The following CYFIP2 variants were observed in gnomAD, a reference collection of about 807,000 sequenced individuals.
CYFIP2 encodes cytoplasmic FMR1 interacting protein 2.
CYFIP2 carries 29 observed loss-of-function variants against 158.7 expected under a neutral mutation model. The ratio of observed to expected loss-of-function variants is 0.18; its 90% CI spans 0.14 to 0.25. The LOEUF is 0.25. Among genes scored for constraint, CYFIP2 ranks in the 10% least tolerant of loss-of-function variants. The pLI is 1.00. For synonymous variants in CYFIP2, 585 were observed against 617.6 expected (o/e 0.95, Z 0.78); for missense variants, 852 against 1,639.5 (o/e 0.52, Z 8.29).
intron 26 of CYFIP2, chr5:157,363,254 GCC>G (rs1764009620): frequency 6.6e-6 from 1 of 152,230 alleles, no homozygotes; most frequent in Non-Finnish European, 1.5e-5. Context: ...ACTCTGGGAT[GCC>G]TCATTCTCAG....
intron 23 of CYFIP2, among the ~76,000 whole-genome samples, chr5:157,352,846 A>G (rs1763158485): frequency 6.6e-6 from 1 of 152,124 alleles, no homozygotes; most frequent in Admixed American, 6.5e-5. Flanking sequence ...CCTACATGCT[A>G]TCGTAAGTGT....
intron 1 of CYFIP2, chr5:157,269,596 A>G (rs1755909519): frequency 1.3e-5 from 2 of 152,184 alleles, no homozygotes; most frequent in South Asian, 4.1e-4. Context: ...AATGTCTGTA[A>G]ATCCCAGTCT....
At chr5:157,326,795 G>T (rs1306523129) in intron 18 of CYFIP2, among the ~76,000 whole-genome samples, 1 of 152,182 alleles carries the variant, frequency 6.6e-6, no homozygotes, top group Non-Finnish European at 1.5e-5. Flanking sequence ...GACCCTTGAA[G>T]CTCAAAGTGC....
intron 5 of CYFIP2, among the ~76,000 whole-genome samples, chr5:157,299,444 T>A (rs1464394454): frequency 6.6e-6 from 1 of 152,206 alleles, no homozygotes; most frequent in African/African-American, 2.4e-5. Context: ...TTCAGCTTCT[T>A]TTCCTGCAAG....
intron 23 of CYFIP2, among the ~76,000 whole-genome samples, chr5:157,345,042 C>G (rs544114608): frequency 3.0e-4 from 45 of 152,290 alleles, no homozygotes; most frequent in African/African-American, 9.9e-4. Flanking sequence ...AAATAGGGAA[C>G]GAAAGGGATG....
chr5:157,360,478 G>T, intron 25 of CYFIP2, 106 bp downstream of exon 25: 2 of 862,250 alleles, frequency 2.3e-6, no homozygotes, highest in Non-Finnish European at 3.6e-6. Context: ...AGCTGGCAGA[G>T]TACTGGCTAT....
In CYFIP2 at chr5:157,302,783, C is replaced by G; in HGVS notation, c.570-11C>G. Reference sequence around the variant, plus strand: ...CAGTCCTCTCTGCAGCACCCACTATCTGCGTTTCAGGGCAGCACAGTTCCT... The same window carrying G: ...CAGTCCTCTCTGCAGCACCCACTATGTGCGTTTCAGGGCAGCACAGTTCCT... On this transcript the variant is annotated splice_polypyrimidine_tract_variant and intron_variant, in intron 6 of 30. Transcript: ENST00000620254. The G allele has an allele frequency of 6.4e-7, 1 of 1,566,164 alleles. No individual in the cohort carries two copies. Among genetic ancestry groups the G allele is most frequent in the Non-Finnish European group, 8.7e-7 (1 of 1,154,848 alleles).
intron 1 of CYFIP2, among the ~76,000 whole-genome samples, chr5:157,272,811 T>C (rs1325876921): frequency 6.6e-6 from 1 of 152,194 alleles, no homozygotes; most frequent in Non-Finnish European, 1.5e-5. Flanking sequence ...TTTCCTTTCT[T>C]AGAGGGCTTT....
At chr5:157,274,241 A>G (rs1273097233) in intron 1 of CYFIP2, among the ~76,000 whole-genome samples, 1 of 151,922 alleles carries the variant, frequency 6.6e-6, no homozygotes, top group African/African-American at 2.4e-5. Context: ...AAGAAATCTC[A>G]TGGCCTTTAG....
At chr5:157,286,490 A>G (rs1290973105) in intron 2 of CYFIP2, among the ~76,000 whole-genome samples, 1 of 149,076 alleles carries the variant, frequency 6.7e-6, no homozygotes, top group African/African-American at 2.5e-5. Flanking sequence ...CCACAATACT[A>G]CCACATTAGG....
At chr5:157,303,138 G>C (rs1758918714) in intron 7 of CYFIP2, 1 of 414,650 alleles carries the variant, frequency 2.4e-6, no homozygotes. Flanking sequence ...CCTGCATCAG[G>C]GTTGAGAACG....
chr5:157,271,778 A>T (rs1161380382), intron 1 of CYFIP2, among the ~76,000 whole-genome samples: 2 of 152,212 alleles, frequency 1.3e-5, no homozygotes, highest in Non-Finnish European at 2.9e-5. Context: ...GTGGTTTCAC[A>T]TCGATGGAGC....
At position 157,311,575 on chromosome 5, in the gene CYFIP2, C is replaced by A. The variant is rs564469769; in HGVS notation, c.993-89C>A. 59 of 1,225,450 alleles carry A rather than the reference C, an allele frequency of 4.8e-5. No homozygotes were observed. In the Admixed American group the frequency reaches 1.3e-3, roughly 27 times the overall value. The allele number at this position is 1,225,450 out of a possible 1,614,324, so 75.9% of individuals were successfully genotyped here. ...TGGTGTCACCCAGGGGAGTTGGCCA[C>A]GTGGGCTGAGCACCAGGAGCAGCTA... On this transcript the variant is annotated intron_variant, in intron 10 of 30. Coordinates refer to ENST00000620254, the MANE Select transcript of CYFIP2 (RefSeq NM_001037333.3). This position sits in a 1 kb window ranked among gnomAD's most constrained non-coding sequence, Gnocchi z 4.7.
intron 23 of CYFIP2, among the ~76,000 whole-genome samples, chr5:157,345,956 T>C (rs1029412800): frequency 1.3e-5 from 2 of 152,220 alleles, no homozygotes; most frequent in African/African-American, 4.8e-5. Flanking sequence ...TGGTTTTAAA[T>C]GCAAAGATGC....
Position 157,311,406 on chromosome 5 carries a change from G to A in CYFIP2, c.993-258G>A. On this transcript the variant is annotated intron_variant, in intron 10 of 30. Coordinates refer to ENST00000620254, the MANE Select transcript of CYFIP2 (RefSeq NM_001037333.3). The surrounding 1 kb of genome is among the most constrained non-coding windows in gnomAD (Gnocchi z 4.7). ...TCTCATATTACTGGTAAGTATTATGGACCAGGTATCTGGAAAGGCCTACAG... is the reference window on the plus strand; with the variant it reads ...TCTCATATTACTGGTAAGTATTATGAACCAGGTATCTGGAAAGGCCTACAG... The A allele has an allele frequency of 1.9e-6, 1 of 521,448 alleles. No homozygotes were observed. The highest frequency in any genetic ancestry group is 3.5e-6 in the Non-Finnish European group (1 of 287,634). 32.3% of individuals were successfully genotyped at this position (521,448 alleles called of 1,614,324 possible).
intron 26 of CYFIP2, among the ~76,000 whole-genome samples, chr5:157,366,795 C>T (rs757724126): frequency 1.3e-5 from 2 of 152,148 alleles, no homozygotes; most frequent in Non-Finnish European, 2.9e-5. Flanking sequence ...TCTAGTATTT[C>T]CTTCCCTGGG....
At chr5:157,290,392 C>T (rs1469217921) in intron 3 of CYFIP2, among the ~76,000 whole-genome samples, 2 of 152,190 alleles carry the variant, frequency 1.3e-5, no homozygotes, top group South Asian at 2.1e-4. Flanking sequence ...AGTGACATCA[C>T]TCTGATCTCT....
intron 16 of CYFIP2, 97 bp from the exon 17 acceptor site, chr5:157,325,385 A>T: frequency 7.4e-7 from 1 of 1,358,866 alleles, no homozygotes; most frequent in Non-Finnish European, 9.7e-7. Context: ...TACATACCTA[A>T]CACAGTGACA....
At chr5:157,306,014 T>C (rs530659969) in intron 8 of CYFIP2, among the ~76,000 whole-genome samples, 6 of 152,360 alleles carry the variant, frequency 3.9e-5, no homozygotes, top group African/African-American at 1.4e-4. Flanking sequence ...AGGTTGTCTC[T>C]AACTTATGCC....
Sources: gnomAD v4.1 joint callset for allele counts (sites outside exome capture counted in the v4.1 genomes callset) on GRCh38, gnomAD v4.1.1 for gene constraint, Gnocchi (gnomAD v3.1) non-coding constraint, MANE v1.5 for transcripts, NCBI Gene and HGNC (gene_info 2026-07-23, HGNC 2026-07-21) for gene names.